Variants in RAD54L2 observed in about 807,000 individuals in gnomAD.
RAD54L2 encodes the protein helicase ARIP4.
A neutral mutation model predicts 138.4 loss-of-function variants in RAD54L2; 27 were observed. The observed-to-expected ratio is 0.20, with a 90% CI of 0.14 to 0.27. The LOEUF (loss-of-function observed/expected upper bound fraction) is 0.27, where lower values mean the gene tolerates loss of function less well. RAD54L2 is among the 10% of genes least tolerant of loss of function. The pLI, the probability that RAD54L2 is intolerant of heterozygous loss-of-function variation, is 1.00. For synonymous variants in RAD54L2, 644 were observed against 723.2 expected (o/e 0.89, Z 1.76); for missense variants, 1,396 against 1,890.2 (o/e 0.74, Z 4.85).
chr3:51,557,492 A>C (rs1371136576), intron 2 of RAD54L2, among the ~76,000 whole-genome samples: 1 of 151,852 alleles, frequency 6.6e-6, no homozygotes, highest in African/African-American at 2.4e-5. Flanking sequence ...TGTTGTTGGC[A>C]TATTTTAAAG....
At chr3:51,589,668 A>G (rs1577407067) in intron 2 of RAD54L2, among the ~76,000 whole-genome samples, 2 of 79,836 alleles carry the variant, frequency 2.5e-5, no homozygotes, top group African/African-American at 4.2e-5. Context: ...CTCTATACAT[A>G]TATATATATA....
At chr3:51,570,949 G>A (rs557088993) in intron 2 of RAD54L2, among the ~76,000 whole-genome samples, 1 of 152,164 alleles carries the variant, frequency 6.6e-6, no homozygotes, top group Admixed American at 6.5e-5. Context: ...AGCCTCCTGA[G>A]TAGCTGGGAT....
chr3:51,575,501 G>A (rs1028300034), intron 2 of RAD54L2, among the ~76,000 whole-genome samples: 2 of 152,138 alleles, frequency 1.3e-5, no homozygotes, highest in Non-Finnish European at 2.9e-5. Flanking sequence ...TCTTCCATTT[G>A]TTTGTGTCCT....
At chr3:51,561,005 T>C (rs1235463589) in intron 2 of RAD54L2, among the ~76,000 whole-genome samples, 1 of 152,242 alleles carries the variant, frequency 6.6e-6, no homozygotes, top group African/African-American at 2.4e-5. Flanking sequence ...TAACATTCTA[T>C]GCCACAGAGT....
chr3:51,663,322 G>A lies in RAD54L2; in HGVS notation c.4306G>A (p.Val1436Met), dbSNP rs777837880. 1 of 1,613,820 alleles carries A rather than the reference G, an allele frequency of 6.2e-7. No homozygotes were observed. Among genetic ancestry groups the A allele is most frequent in the South Asian group, 1.1e-5 (1 of 91,064 alleles). ...YPAGGLLRSQ[V>M]PPFDSHEVAE... is the part of the protein sequence containing the mutation. ...AGCTGGTGGCCTCCTACGGTCCCAG[G>A]TGCCTCCATTTGACTCTCATGAGGT... Residue 1436 changes from valine (V) to methionine (M), a missense_variant, in exon 23 of 23, where the codon GTG (valine) becomes ATG (methionine). Transcript: ENST00000684192.
At chr3:51,542,882 T>C (rs1467457261) in intron 2 of RAD54L2, among the ~76,000 whole-genome samples, 3 of 152,308 alleles carry the variant, frequency 2.0e-5, no homozygotes, top group Admixed American at 1.3e-4. Flanking sequence ...GGTAACTGTT[T>C]GGCATGTTCT....
intron 2 of RAD54L2, among the ~76,000 whole-genome samples, chr3:51,572,194 A>G (rs916368410): frequency 2.6e-5 from 4 of 152,214 alleles, no homozygotes; most frequent in Non-Finnish European, 5.9e-5. Context: ...CACGCCAATA[A>G]TCTAAGCACT....
At position 51,547,515 on chromosome 3, in the gene RAD54L2, G is replaced by A. The variant is rs149151619; in HGVS notation, c.-55+5865G>A. Among the ~76,000 whole-genome samples the A allele has an allele frequency of 4.0e-4, 61 of 150,932 alleles. No individual in the cohort carries two copies. In the East Asian group the frequency reaches 0.011, roughly 28 times the overall value. ...TCAATAGTAGGCGGAAATGAAAAATGTTTGCTTTACTGTGATAAGCATACT... is the reference window on the plus strand; with the variant it reads ...TCAATAGTAGGCGGAAATGAAAAATATTTGCTTTACTGTGATAAGCATACT... On this transcript the variant is annotated intron_variant, in intron 2 of 22. Coordinates refer to ENST00000684192, the MANE Select transcript of RAD54L2 (RefSeq NM_015106.4).
chr3:51,557,047 A>C (rs907183483), intron 2 of RAD54L2, among the ~76,000 whole-genome samples: 5 of 152,138 alleles, frequency 3.3e-5, no homozygotes, highest in African/African-American at 1.2e-4. Flanking sequence ...GGGATGTTGC[A>C]CATGCTTGGC....
intron 2 of RAD54L2, among the ~76,000 whole-genome samples, chr3:51,547,457 G>C (rs1553672533): frequency 6.6e-6 from 1 of 151,644 alleles, no homozygotes; most frequent in African/African-American, 2.4e-5. Flanking sequence ...CACATTGGAG[G>C]TACTAACATG....
At chr3:51,613,593 C>G (rs933078487) in intron 3 of RAD54L2, among the ~76,000 whole-genome samples, 1 of 151,932 alleles carries the variant, frequency 6.6e-6, no homozygotes, top group African/African-American at 2.4e-5. Flanking sequence ...ATGGTGAAAC[C>G]CTGTCTGTGG....
At chr3:51,660,453 C>T (rs1577472455) in intron 22 of RAD54L2, among the ~76,000 whole-genome samples, 4 of 148,846 alleles carry the variant, frequency 2.7e-5, no homozygotes, top group South Asian at 2.1e-4. Flanking sequence ...AGACTACAGG[C>T]GCCCGCCACC....
intron 3 of RAD54L2, among the ~76,000 whole-genome samples, chr3:51,606,930 C>T (rs1320015693): frequency 1.3e-5 from 2 of 151,726 alleles, no homozygotes; most frequent in Non-Finnish European, 2.9e-5. Flanking sequence ...GATTCCCCCA[C>T]CTTGGCATCC....
intron 3 of RAD54L2, among the ~76,000 whole-genome samples, chr3:51,624,331 A>C (rs1442590573): frequency 6.6e-6 from 1 of 151,358 alleles, no homozygotes; most frequent in Non-Finnish European, 1.5e-5. Context: ...CCACCTCCCA[A>C]GCTTAAGCAA....
At chr3:51,619,293 G>A (rs886728763) in intron 3 of RAD54L2, among the ~76,000 whole-genome samples, 2 of 152,284 alleles carry the variant, frequency 1.3e-5, no homozygotes, top group Admixed American at 6.5e-5. Flanking sequence ...TCCTGACCTC[G>A]TGATCCGTCT....
At chr3:51,599,420 G>A (rs1287363350) in intron 3 of RAD54L2, among the ~76,000 whole-genome samples, 6 of 152,016 alleles carry the variant, frequency 3.9e-5, no homozygotes, top group African/African-American at 1.4e-4. Flanking sequence ...CTTTAAAGCG[G>A]CATAAGAAAA....
chr3:51,580,687 A>T (rs1348559210), intron 2 of RAD54L2, among the ~76,000 whole-genome samples: 1 of 152,162 alleles, frequency 6.6e-6, no homozygotes, highest in Non-Finnish European at 1.5e-5. Context: ...TGTGCTGGGA[A>T]CCTGGGACAG....
rs371862727 is a variant in RAD54L2 at position 51,645,685 on chromosome 3, A to G, written c.2751A>G (p.Gln917=). The G allele has an allele frequency of 2.6e-5, 42 of 1,612,656 alleles. No homozygotes were observed. The highest frequency in any genetic ancestry group is 3.5e-5 in the Non-Finnish European group (41 of 1,179,410). ...TTGTTGAGAAGGAGCCAGCTCCCCA[A>G]GTTTCCTTGAACGTAAAGGGGATCA... ...LHFVEKEPAP[Q]VSLNVKGIKE... is the part of the protein sequence containing the mutation. The change falls in exon 18 of 23, where the codon CAA becomes CAG. Residue 917 remains glutamine (Q), a synonymous_variant. Coordinates refer to ENST00000684192, the MANE Select transcript of RAD54L2 (RefSeq NM_015106.4). This position sits in a 1 kb window ranked among gnomAD's most constrained non-coding sequence, Gnocchi z 6.1.
At chr3:51,580,054 T>C (rs1699572348) in intron 2 of RAD54L2, among the ~76,000 whole-genome samples, 1 of 151,924 alleles carries the variant, frequency 6.6e-6, no homozygotes, top group Non-Finnish European at 1.5e-5. Context: ...TGCCGGGAGT[T>C]GGAGCAGATA....
Sources: gnomAD v4.1 joint callset for allele counts (sites outside exome capture counted in the v4.1 genomes callset) on GRCh38, gnomAD v4.1.1 for gene constraint, Gnocchi (gnomAD v3.1) non-coding constraint, MANE v1.5 for transcripts, NCBI Gene and HGNC (gene_info 2026-07-23, HGNC 2026-07-21) for gene names.